The following FAM168A variants were observed in gnomAD, a reference collection of about 807,000 sequenced individuals.
FAM168A encodes protein FAM168A.
FAM168A carries 3 observed loss-of-function variants against 28.5 expected under a neutral mutation model. The observed-to-expected ratio is 0.11, with a 90% CI of 0.05 to 0.27. FAM168A has a LOEUF of 0.27. Among genes scored for constraint, FAM168A ranks in the 10% least tolerant of loss-of-function variants. The pLI is 1.00. For missense variants in FAM168A, 222 were observed against 311.5 expected (o/e 0.71, Z 2.16); for synonymous variants, 122 against 124.2 (o/e 0.98, Z 0.12).
chr11:73,571,885 C>T (rs1385161135), intron 1 of FAM168A, among the ~76,000 whole-genome samples: 2 of 151,356 alleles, frequency 1.3e-5, no homozygotes, highest in Non-Finnish European at 2.9e-5. Context: ...GGGGAGCGCC[C>T]CTGCCCCACC....
At chr11:73,579,707 T>A (rs750265325) in intron 1 of FAM168A, among the ~76,000 whole-genome samples, 19 of 152,238 alleles carry the variant, frequency 1.2e-4, no homozygotes, top group Non-Finnish European at 2.2e-4. Context: ...TTATTCCTAA[T>A]TCACAGTCTA....
chr11:73,439,872 C>G (rs1867160026), intron 2 of FAM168A, among the ~76,000 whole-genome samples: 1 of 145,762 alleles, frequency 6.9e-6, no homozygotes, highest in African/African-American at 2.5e-5. Context: ...CTTTGTCTCT[C>G]AGGTCACTTT....
chr11:73,538,500 C>G (rs1943611274), intron 1 of FAM168A, among the ~76,000 whole-genome samples: 1 of 152,314 alleles, frequency 6.6e-6, no homozygotes, highest in Non-Finnish European at 1.5e-5. Context: ...AGCAGAGTCC[C>G]TGGTAAATTA....
chr11:73,590,304 G>A (rs1033588056), intron 1 of FAM168A, among the ~76,000 whole-genome samples: 2 of 152,146 alleles, frequency 1.3e-5, no homozygotes, highest in Non-Finnish European at 2.9e-5. Flanking sequence ...TTAGGAGGCT[G>A]AGGATGGAGG....
intron 1 of FAM168A, among the ~76,000 whole-genome samples, chr11:73,490,680 T>C (rs1380039433): frequency 6.6e-6 from 1 of 152,194 alleles, no homozygotes; most frequent in African/African-American, 2.4e-5. Flanking sequence ...CAGGTCTTAA[T>C]TTAAAATCAC....
intron 1 of FAM168A, chr11:73,580,187 A>C: frequency 2.3e-6 from 1 of 439,734 alleles, no homozygotes; most frequent in South Asian, 1.7e-5. Context: ...GACCAACCAA[A>C]GCCTGTGCTC....
intron 1 of FAM168A, among the ~76,000 whole-genome samples, chr11:73,544,828 TATATATAATATATATTAAATATATA>T (rs1463601113): frequency 2.0e-5 from 2 of 99,988 alleles, no homozygotes; most frequent in African/African-American, 9.5e-5. Flanking sequence ...ATAAATTTAT[TATATATAATATATATTAAATATATA>T]ATATATAATA....
rs965780666 is a variant in FAM168A at position 73,490,132 on chromosome 11, T to G, written c.-18-21640A>C. Among the ~76,000 whole-genome samples, 7 of 152,326 alleles carry G rather than the reference T, an allele frequency of 4.6e-5. No homozygotes were observed. In the South Asian group the frequency reaches 6.2e-4, roughly 14 times the overall value. ...AATTGCACAGATAAAAATTTTGGTG[T>G]TGTTCTTGACTTCTCTTTTTCTCAT... On this transcript the variant is annotated intron_variant, in intron 1 of 7. Coordinates refer to ENST00000356467, the MANE Select transcript of FAM168A (RefSeq NM_015159.3).
At chr11:73,474,192 G>A (rs191458400) in intron 1 of FAM168A, among the ~76,000 whole-genome samples, 249 of 152,260 alleles carry the variant, frequency 1.6e-3, no homozygotes, top group African/African-American at 5.7e-3. Flanking sequence ...ATAATGAACA[G>A]AAATTTATTT....
chr11:73,540,552 C>T (rs1410324193), intron 1 of FAM168A, among the ~76,000 whole-genome samples: 2 of 152,124 alleles, frequency 1.3e-5, no homozygotes, highest in Admixed American at 6.5e-5. Flanking sequence ...CCACAAAATG[C>T]ACCTGGCTCA....
At chr11:73,435,114 C>T (rs1347206171) in intron 2 of FAM168A, among the ~76,000 whole-genome samples, 1 of 152,204 alleles carries the variant, frequency 6.6e-6, no homozygotes, top group Admixed American at 6.5e-5. Flanking sequence ...AATACTGGAG[C>T]TTTAATAATG....
At chr11:73,549,143 T>C (rs569105502) in intron 1 of FAM168A, among the ~76,000 whole-genome samples, 100 of 152,264 alleles carry the variant, frequency 6.6e-4, no homozygotes, top group African/African-American at 2.4e-3. Flanking sequence ...GGTTTCACCA[T>C]GTTGGCCAAA....
chr11:73,430,812 A>T, intron 2 of FAM168A, 42 bp from the exon 3 acceptor site: 2 of 1,323,848 alleles, frequency 1.5e-6, no homozygotes, highest in East Asian at 2.4e-5. Context: ...TAGGCAAAAA[A>T]AACAAAACAA....
At chr11:73,451,559 T>C (rs952821456) in intron 2 of FAM168A, among the ~76,000 whole-genome samples, 1 of 110,098 alleles carries the variant, frequency 9.1e-6, no homozygotes, top group East Asian at 2.0e-4. Context: ...ATATGCTGCA[T>C]AATGACAGCA....
rs2134469352 is a variant in FAM168A, at chr11:73,403,432, T to C, written c.*3331A>G. ...CTGATCCTGGCCATAGGTGTTGCAC[T>C]TGGGGAGAGGCAGTGGCATGAGGAG... On this transcript the variant is annotated 3_prime_UTR_variant, in exon 8 of 8. Transcript: ENST00000356467. 1 of 152,296 alleles carries C rather than the reference T, an allele frequency of 6.6e-6. No individual in the cohort carries two copies. The highest frequency in any genetic ancestry group is 2.4e-5 in the African/African-American group (1 of 41,532). 9.4% of individuals were successfully genotyped at this position (152,296 alleles called of 1,614,324 possible).
At chr11:73,492,559 T>G (rs1308229935) in intron 1 of FAM168A, among the ~76,000 whole-genome samples, 1 of 152,162 alleles carries the variant, frequency 6.6e-6, no homozygotes, top group Non-Finnish European at 1.5e-5. Context: ...GGAGGATTGC[T>G]TAAGCCTGGA....
chr11:73,522,750 C>T (rs551382325), intron 1 of FAM168A, among the ~76,000 whole-genome samples: 2 of 151,764 alleles, frequency 1.3e-5, no homozygotes, highest in Non-Finnish European at 2.9e-5. Context: ...TGGTGGCTCA[C>T]GCCTGTAATC....
intron 3 of FAM168A, among the ~76,000 whole-genome samples, chr11:73,422,467 G>A (rs551677215): frequency 6.6e-6 from 1 of 152,228 alleles, no homozygotes; most frequent in Admixed American, 6.5e-5. Flanking sequence ...CTCCCCATTA[G>A]TTAGTTGTAC....
chr11:73,529,796 C>CTTTTTTTTTTTTTTTTTTTT (rs772530179), intron 1 of FAM168A, among the ~76,000 whole-genome samples: 23 of 127,528 alleles, frequency 1.8e-4, no homozygotes, highest in African/African-American at 5.7e-4. Context: ...ACTTTTTCTT[C>CTTTTTTTTTTTTTTTTTTTT]TTTTTTTTTT....
Sources: allele counts gnomAD v4.1 joint callset (sites outside exome capture counted in the v4.1 genomes callset), GRCh38; gene constraint gnomAD v4.1.1; transcripts MANE v1.5; gene names NCBI Gene and HGNC (gene_info 2026-07-23, HGNC 2026-07-21).